Variants in ZPBP observed in about 807,000 individuals in gnomAD.
ZPBP encodes zona pellucida-binding protein 1.
Under a neutral mutation model 44.8 loss-of-function variants are expected in ZPBP, and 26 were observed. The observed-to-expected ratio is 0.58, with a 90% CI of 0.43 to 0.81. ZPBP has a LOEUF of 0.81. ZPBP is among the 30% of genes least tolerant of loss of function. The pLI, the probability that ZPBP is intolerant of heterozygous loss-of-function variation, is 0.00. For missense variants in ZPBP, 409 were observed against 434.0 expected (o/e 0.94, Z 0.51); for synonymous variants, 174 against 153.2 (o/e 1.14, Z -1.00).
intron 7 of ZPBP, among the ~76,000 whole-genome samples, chr7:49,970,100 A>G (rs1451661767): frequency 6.6e-6 from 1 of 152,294 alleles, no homozygotes; most frequent in Middle Eastern, 3.4e-3. Flanking sequence ...ACCTCAAGTG[A>G]TCCACCCACC....
intron 6 of ZPBP, among the ~76,000 whole-genome samples, chr7:49,998,637 A>T (rs1797965330): frequency 6.6e-6 from 1 of 152,196 alleles, no homozygotes; most frequent in African/African-American, 2.4e-5. Flanking sequence ...TAATATGAGA[A>T]TCAGAGTAAT....
intron 4 of ZPBP, among the ~76,000 whole-genome samples, chr7:50,056,665 A>G (rs1800950496): frequency 6.6e-6 from 1 of 152,170 alleles, no homozygotes; most frequent in Non-Finnish European, 1.5e-5. Flanking sequence ...GCTACTCCAT[A>G]TTGACAGAGC....
chr7:49,967,645 C>A (rs906180063), intron 7 of ZPBP, among the ~76,000 whole-genome samples: 2 of 152,186 alleles, frequency 1.3e-5, no homozygotes, highest in African/African-American at 2.4e-5. Flanking sequence ...CTCCCGGGTT[C>A]AAGCAGTTCT....
intron 2 of ZPBP, among the ~76,000 whole-genome samples, chr7:49,865,761 C>A (rs1308319443): frequency 6.6e-6 from 1 of 152,210 alleles, no homozygotes; most frequent in African/African-American, 2.4e-5. Context: ...ACAAGCCAGC[C>A]TCCTGATCCA....
intron 2 of ZPBP, among the ~76,000 whole-genome samples, chr7:49,898,572 A>C (rs1792522709): frequency 6.6e-6 from 1 of 152,112 alleles, no homozygotes. Context: ...CACATTACAT[A>C]TGTATATACA....
intron 5 of ZPBP, among the ~76,000 whole-genome samples, chr7:50,024,812 G>C (rs943438326): frequency 1.3e-4 from 20 of 151,910 alleles, no homozygotes; most frequent in African/African-American, 4.6e-4. Context: ...AAACTTGCAA[G>C]AAGAGTCATT....
intron 2 of ZPBP, among the ~76,000 whole-genome samples, chr7:50,087,202 C>T: frequency 6.6e-6 from 1 of 151,820 alleles, no homozygotes; most frequent in Non-Finnish European, 1.5e-5. Context: ...TTCTATGAAG[C>T]CAAAATCAAA....
chr7:50,085,387 T>C (rs1390354265), intron 2 of ZPBP, among the ~76,000 whole-genome samples: 1 of 152,130 alleles, frequency 6.6e-6, no homozygotes, highest in Non-Finnish European at 1.5e-5. Context: ...AAGGAACTAA[T>C]TAAAATCAGT....
intron 7 of ZPBP, among the ~76,000 whole-genome samples, chr7:49,971,038 C>T (rs554565801): frequency 5.9e-5 from 9 of 151,734 alleles, no homozygotes; most frequent in African/African-American, 2.2e-4. Context: ...GGCAAGACCC[C>T]ATATCAATAA....
chr7:49,937,361 T>A (rs1300193026), downstream of ZPBP: 3 of 594,576 alleles, frequency 5.0e-6, no homozygotes, highest in Non-Finnish European at 8.9e-6. Flanking sequence ...GGATAAAGAC[T>A]AGAGGATTTT....
chr7:49,871,915 A>G (rs1791169652), intron 2 of ZPBP, among the ~76,000 whole-genome samples: 2 of 20,616 alleles, frequency 9.7e-5, no homozygotes, highest in African/African-American at 5.4e-4. Flanking sequence ...ATAAACACAC[A>G]CACACACACA....
In ZPBP at chr7:50,078,990, AAAAG is replaced by A. The variant is rs540525694; in HGVS notation, c.334+2780_334+2783del. On this transcript the variant is annotated intron_variant, in intron 3 of 7. Transcript: ENST00000046087. The stretch of plus-strand genomic sequence containing the variant: ...CATAACTAGTAAGAGAGAACAAAAA[AAAAG>A]AGAGAGAAGACACAACCAACATCAG... 1.8e-3 allele frequency among the ~76,000 whole-genome samples: 266 copies of A among 151,800 alleles called. 1 individual carries two copies. Among genetic ancestry groups the A allele is most frequent in the African/African-American group, 6.1e-3 (254 of 41,530 alleles).
chr7:50,087,444 A>C (rs1162273162), intron 2 of ZPBP, among the ~76,000 whole-genome samples: 1 of 152,038 alleles, frequency 6.6e-6, no homozygotes, highest in African/African-American at 2.4e-5. Flanking sequence ...GAGAAAAAGC[A>C]TTTAGCAAAA....
At chr7:50,011,726 A>T (rs951830946) in intron 6 of ZPBP, among the ~76,000 whole-genome samples, 1 of 151,812 alleles carries the variant, frequency 6.6e-6, no homozygotes, top group Non-Finnish European at 1.5e-5. Flanking sequence ...CTGGAAATTA[A>T]GCAACCCACT....
intron 2 of ZPBP, among the ~76,000 whole-genome samples, chr7:49,879,731 T>G (rs1335148214): frequency 6.7e-6 from 1 of 150,322 alleles, no homozygotes; most frequent in East Asian, 1.9e-4. Context: ...TTGTTTTATT[T>G]CTTTCCATGG....
intron 3 of ZPBP, among the ~76,000 whole-genome samples, chr7:50,071,158 C>G (rs1175343726): frequency 1.3e-5 from 2 of 152,154 alleles, no homozygotes; most frequent in Admixed American, 6.5e-5. Context: ...CAACCCCATG[C>G]CCCACAGTGG....
chr7:49,841,955 C>T, the ZPBP span, among the ~76,000 whole-genome samples: 270 of 152,216 alleles, frequency 1.8e-3, no homozygotes, highest in African/African-American at 6.2e-3. Context: ...CATCCTCCAC[C>T]TCCTGGGTTC....
intron 7 of ZPBP, among the ~76,000 whole-genome samples, chr7:49,965,698 G>T (rs1392543427): frequency 6.6e-6 from 1 of 152,006 alleles, no homozygotes; most frequent in Non-Finnish European, 1.5e-5. Context: ...CAGGATTTGT[G>T]ACATTAGGTA....
intron 5 of ZPBP, among the ~76,000 whole-genome samples, chr7:50,028,054 A>G (rs767088503): frequency 1.3e-5 from 2 of 151,946 alleles, no homozygotes; most frequent in African/African-American, 2.4e-5. Context: ...TTCCAAACTC[A>G]TATCATGAAG....
Sources: gnomAD v4.1 joint callset for allele counts (sites outside exome capture counted in the v4.1 genomes callset) on GRCh38, gnomAD v4.1.1 for gene constraint, MANE v1.5 for transcripts, NCBI Gene and HGNC (gene_info 2026-07-23, HGNC 2026-07-21) for gene names.